UNC5D: variants seen among roughly 807,000 people sequenced by gnomAD.
UNC5D encodes the protein netrin receptor UNC5D.
In UNC5D, 39 loss-of-function variants were observed where a neutral mutation model predicts 105.4. The ratio of observed to expected loss-of-function variants is 0.37; its 90% CI spans 0.29 to 0.48. The LOEUF is 0.48. Ranked by LOEUF, UNC5D falls within the 20% of genes least tolerant of loss-of-function variation. The pLI is 0.98. For missense variants in UNC5D, 991 were observed against 1,202.4 expected, an observed-to-expected ratio of 0.82 and a Z score of 2.60; for synonymous variants, 452 against 450.4, an observed-to-expected ratio of 1.00 and a Z score of -0.04.
rs115087976 is a variant in UNC5D, at chr8:35,667,992, A to G, written c.571-15555A>G. Among the ~76,000 whole-genome samples, 905 of 152,236 alleles carry G rather than the reference A, an allele frequency of 5.9e-3. 12 individuals carry two copies. The highest frequency in any genetic ancestry group is 0.02 in the African/African-American group (824 of 41,566). On this transcript the variant is annotated intron_variant, in intron 4 of 16. Transcript: ENST00000404895. ...GTGGAATTTTACATTAAATGATAGA[A>G]ACATTTTCAGTTTTGATAAAAGTTG...
chr8:35,419,238 T>G (rs1805728323), intron 1 of UNC5D, among the ~76,000 whole-genome samples: 1 of 152,306 alleles, frequency 6.6e-6, no homozygotes, highest in East Asian at 1.9e-4. Flanking sequence ...TGACACAGGA[T>G]TCTTTTGGTG....
intron 1 of UNC5D, among the ~76,000 whole-genome samples, chr8:35,336,912 C>G (rs763324049): frequency 1.3e-5 from 2 of 151,870 alleles, no homozygotes; most frequent in Admixed American, 6.6e-5. Context: ...TTTCCACTAA[C>G]AGCTGGATGC....
intron 4 of UNC5D, among the ~76,000 whole-genome samples, chr8:35,629,250 G>A (rs1374261811): frequency 6.6e-6 from 1 of 152,154 alleles, no homozygotes; most frequent in East Asian, 1.9e-4. Flanking sequence ...ACTGGTGTAA[G>A]ATGATATCTC....
chr8:35,514,983 T>C (rs1813018003), intron 1 of UNC5D, among the ~76,000 whole-genome samples: 1 of 152,188 alleles, frequency 6.6e-6, no homozygotes, highest in Non-Finnish European at 1.5e-5. Flanking sequence ...AAGGGTCTAA[T>C]GAAACTACTA....
intron 4 of UNC5D, among the ~76,000 whole-genome samples, chr8:35,659,597 A>AGCACACATACGTATGTGCGCAT (rs879475659): frequency 1.5e-4 from 23 of 152,344 alleles, no homozygotes; most frequent in Non-Finnish European, 2.5e-4. Flanking sequence ...AATTTGTGCA[A>AGCACACATACGTATGTGCGCAT]GCACACATAC....
At chr8:35,582,605 G>A (rs140244664) in intron 3 of UNC5D, among the ~76,000 whole-genome samples, 161 of 152,244 alleles carry the variant, frequency 1.1e-3, no homozygotes, top group Non-Finnish European at 1.9e-3. Flanking sequence ...ATCTTGTCCC[G>A]ATTGACCTTC....
At chr8:35,737,238 T>TC (rs1176311142) in intron 11 of UNC5D, among the ~76,000 whole-genome samples, 3 of 149,196 alleles carry the variant, frequency 2.0e-5, no homozygotes, top group Non-Finnish European at 4.4e-5. Context: ...GGGAGAAACT[T>TC]GGCAAGATCT....
intron 4 of UNC5D, among the ~76,000 whole-genome samples, chr8:35,613,301 T>C (rs936590374): frequency 6.6e-6 from 1 of 152,178 alleles, no homozygotes; most frequent in East Asian, 1.9e-4. Flanking sequence ...TCTCAAACAT[T>C]AGGGCTCAGG....
At chr8:35,582,604 C>T (rs1422145252) in intron 3 of UNC5D, among the ~76,000 whole-genome samples, 3 of 152,122 alleles carry the variant, frequency 2.0e-5, no homozygotes, top group East Asian at 1.9e-4. Flanking sequence ...CATCTTGTCC[C>T]GATTGACCTT....
chr8:35,587,115 G>A (rs935600833), intron 3 of UNC5D, among the ~76,000 whole-genome samples: 1 of 152,090 alleles, frequency 6.6e-6, no homozygotes, highest in Non-Finnish European at 1.5e-5. Context: ...CCAAGTACCC[G>A]GCTTTGTCAC....
intron 3 of UNC5D, among the ~76,000 whole-genome samples, chr8:35,593,948 A>G (rs1048318729): frequency 1.3e-5 from 2 of 152,204 alleles, no homozygotes; most frequent in African/African-American, 4.8e-5. Context: ...TTGTGTGGGA[A>G]GCGTGAGATT....
chr8:35,544,402 AG>A, intron 1 of UNC5D: 1 of 1,608,726 alleles, frequency 6.2e-7, no homozygotes, highest in Non-Finnish European at 8.5e-7. Context: ...TTAAATAAGT[AG>A]GGATTGTTTA....
At chr8:35,457,889 C>G (rs949726696) in intron 1 of UNC5D, among the ~76,000 whole-genome samples, 5 of 152,112 alleles carry the variant, frequency 3.3e-5, no homozygotes, top group Non-Finnish European at 5.9e-5. Flanking sequence ...TAAAATAGCA[C>G]AGTGGTCTTG....
Position 35,793,156 on chromosome 8 carries a change from T to G in UNC5D, c.*2593T>G. 2.2e-6 allele frequency: 1 copy of G among 456,196 alleles called. No individual in the cohort carries two copies. The highest frequency in any genetic ancestry group is 1.6e-5 in the South Asian group (1 of 64,476). 28.3% of individuals were successfully genotyped at this position (456,196 alleles called of 1,614,324 possible). A position where few individuals can be genotyped will look rare whatever the true frequency, so the allele number is the denominator to read the frequency against. On this transcript the variant is annotated 3_prime_UTR_variant, in exon 17 of 17. Transcript: ENST00000404895. ...TTGCTGCTAGGATCCTACATAGGAT[T>G]TCTATAGAAATGTATGAAATTCTGT...
chr8:35,688,706 G>A (rs1406885349), intron 7 of UNC5D, among the ~76,000 whole-genome samples: 1 of 152,200 alleles, frequency 6.6e-6, no homozygotes, highest in African/African-American at 2.4e-5. Context: ...TTAAAGAAAT[G>A]TGCTTCTCAC....
chr8:35,397,197 C>T (rs978592334), intron 1 of UNC5D, among the ~76,000 whole-genome samples: 8 of 152,204 alleles, frequency 5.3e-5, no homozygotes, highest in South Asian at 2.1e-4. Flanking sequence ...TGAGCCACCA[C>T]GCCCAGCCCA....
intron 1 of UNC5D, among the ~76,000 whole-genome samples, chr8:35,288,487 GA>G (rs1389582076): frequency 1.3e-5 from 2 of 152,116 alleles, no homozygotes; most frequent in East Asian, 3.9e-4. Context: ...TAAGCTGAAA[GA>G]AAAGGCTTTT....
intron 2 of UNC5D, among the ~76,000 whole-genome samples, chr8:35,550,770 A>G (rs1816074253): frequency 6.6e-6 from 1 of 152,194 alleles, no homozygotes; most frequent in Non-Finnish European, 1.5e-5. Flanking sequence ...CAGTAAAGGT[A>G]TTGTAGACTT....
At chr8:35,259,723 G>C (rs578118514) in intron 1 of UNC5D, among the ~76,000 whole-genome samples, 2 of 151,082 alleles carry the variant, frequency 1.3e-5, no homozygotes, top group African/African-American at 4.9e-5. Flanking sequence ...TAGCGAGAGA[G>C]AAGAGTGCAA....
Sources: gnomAD v4.1 joint callset for allele counts (sites outside exome capture counted in the v4.1 genomes callset) on GRCh38, gnomAD v4.1.1 for gene constraint, MANE v1.5 for transcripts, NCBI Gene and HGNC (gene_info 2026-07-23, HGNC 2026-07-21) for gene names.